Variants in CCDC178 observed in about 807,000 individuals in gnomAD.
CCDC178 encodes the protein coiled-coil domain containing 178, also known as coiled-coil domain-containing protein 178.
Under a neutral mutation model 117.4 loss-of-function variants are expected in CCDC178, and 126 were observed. That is an observed-to-expected ratio of 1.07 (90% CI 0.93 to 1.24). The LOEUF is 1.24. Ranked by LOEUF, CCDC178 falls within the 50% of genes most tolerant of loss-of-function variation. The pLI is 0.00. For missense variants in CCDC178, 1,030 were observed against 986.9 expected (o/e 1.04, Z -0.59); for synonymous variants, 283 against 313.4 (o/e 0.90, Z 1.02).
intron 22 of CCDC178, among the ~76,000 whole-genome samples, chr18:32,949,081 T>C (rs2054417782): frequency 6.6e-6 from 1 of 152,138 alleles, no homozygotes; most frequent in Admixed American, 6.5e-5. Context: ...TCTCTTCTCA[T>C]TTGCATTGTT....
intron 5 of CCDC178, among the ~76,000 whole-genome samples, chr18:33,385,430 C>A (rs1007335278): frequency 6.6e-6 from 1 of 152,252 alleles, no homozygotes; most frequent in East Asian, 1.9e-4. Context: ...GGTCACATGG[C>A]ACTTACTCTA....
At chr18:33,314,185 A>G in intron 11 of CCDC178, among the ~76,000 whole-genome samples, 1 of 128,842 alleles carries the variant, frequency 7.8e-6, no homozygotes, top group Admixed American at 8.7e-5. Context: ...TGGGTGACAG[A>G]GCGAGACTCC....
At chr18:33,392,730 C>T (rs2063580007) in intron 4 of CCDC178, among the ~76,000 whole-genome samples, 1 of 152,032 alleles carries the variant, frequency 6.6e-6, no homozygotes, top group Admixed American at 6.6e-5. Context: ...GGCATGGTGG[C>T]ACGCACCTGT....
At chr18:33,319,245 G>C (rs1451676746) in intron 11 of CCDC178, among the ~76,000 whole-genome samples, 1 of 151,748 alleles carries the variant, frequency 6.6e-6, no homozygotes, top group East Asian at 1.9e-4. Flanking sequence ...CCTGTGTCCA[G>C]GTGTTCTCGG....
chr18:33,308,662 T>C (rs1207271231), intron 11 of CCDC178, among the ~76,000 whole-genome samples: 3 of 152,310 alleles, frequency 2.0e-5, no homozygotes, highest in African/African-American at 7.2e-5. Context: ...ATTGTAGTTC[T>C]GACAATCCCC....
intron 21 of CCDC178, among the ~76,000 whole-genome samples, chr18:33,062,420 G>T (rs1357871216): frequency 6.6e-6 from 1 of 152,154 alleles, no homozygotes; most frequent in Non-Finnish European, 1.5e-5. Context: ...ACCATACTAT[G>T]AATAGAGCTT....
At chr18:33,353,286 TTATGTCTTTG>T (rs935206126) in intron 7 of CCDC178, among the ~76,000 whole-genome samples, 2 of 152,126 alleles carry the variant, frequency 1.3e-5, no homozygotes, top group Non-Finnish European at 2.9e-5. Context: ...TTTAAGCTAC[TTATGTCTTTG>T]TATCTCAGGT....
chr18:33,298,245 A>G (rs1599124390), intron 11 of CCDC178, among the ~76,000 whole-genome samples: 1 of 152,166 alleles, frequency 6.6e-6, no homozygotes, highest in East Asian at 1.9e-4. Context: ...CCAGGAAACT[A>G]ATTCCAACAA....
In CCDC178 at chr18:33,147,321, GAGAGAGAACCTACTCCT is replaced by G. The variant is rs1043592207; in HGVS notation, c.2239-54428_2239-54412del. Among the ~76,000 whole-genome samples, 15 of 145,940 alleles carry G rather than the reference GAGAGAGAACCTACTCCT, an allele frequency of 1.0e-4. No individual in the cohort carries two copies. In the East Asian group the frequency reaches 2.2e-3, roughly 21 times the overall value. On this transcript the variant is annotated intron_variant, in intron 20 of 22. Coordinates refer to ENST00000383096, the MANE Select transcript of CCDC178 (RefSeq NM_001105528.4). Reference sequence around the variant, plus strand: ...GTCCTCGGGTGGCAGAGGGGCAGAAGAGAGAGAACCTACTCCTGCAAGCTTGCCTTTTTAATTTTTTT... The same window carrying G: ...GTCCTCGGGTGGCAGAGGGGCAGAAGGCAAGCTTGCCTTTTTAATTTTTTT...
At chr18:32,964,228 T>C (rs2054765221) in intron 22 of CCDC178, among the ~76,000 whole-genome samples, 1 of 152,068 alleles carries the variant, frequency 6.6e-6, no homozygotes, top group African/African-American at 2.4e-5. Flanking sequence ...TAAAGGAAGA[T>C]ATTTGGTTAA....
chr18:33,348,758 T>C, intron 8 of CCDC178, 132 bp downstream of exon 8: 3 of 631,706 alleles, frequency 4.7e-6, no homozygotes, highest in Non-Finnish European at 8.3e-6. Context: ...TAGAGGACTA[T>C]TTTGTCTATT....
chr18:33,411,943 T>C, intron 3 of CCDC178, 88 bp downstream of exon 3: 1 of 632,056 alleles, frequency 1.6e-6, no homozygotes, highest in Non-Finnish European at 2.7e-6. Context: ...AAGATTACTA[T>C]CTTTGCAGTT....
chr18:33,180,827 G>A (rs2058725708), intron 20 of CCDC178, among the ~76,000 whole-genome samples: 1 of 152,034 alleles, frequency 6.6e-6, no homozygotes, highest in African/African-American at 2.4e-5. Flanking sequence ...AATTGTGAAA[G>A]TATGGGGTAA....
At chr18:33,352,801 C>T (rs1051938464) in intron 7 of CCDC178, among the ~76,000 whole-genome samples, 1 of 151,980 alleles carries the variant, frequency 6.6e-6, no homozygotes, top group Non-Finnish European at 1.5e-5. Flanking sequence ...TGATCTTTTT[C>T]GTTTCATTGA....
intron 3 of CCDC178, among the ~76,000 whole-genome samples, chr18:33,397,922 A>C (rs2063660696): frequency 2.0e-5 from 3 of 152,160 alleles, no homozygotes; most frequent in Admixed American, 2.0e-4. Context: ...TATTACTAGA[A>C]CATAAAAAAA....
chr18:33,403,505 C>T (rs746282906), intron 3 of CCDC178, among the ~76,000 whole-genome samples: 18 of 149,660 alleles, frequency 1.2e-4, no homozygotes, highest in Non-Finnish European at 1.9e-4. Context: ...AAAAAAAAAC[C>T]GGACAAATGG....
intron 20 of CCDC178, among the ~76,000 whole-genome samples, chr18:33,121,427 A>G (rs996537971): frequency 1.3e-5 from 2 of 152,122 alleles, no homozygotes; most frequent in African/African-American, 2.4e-5. Context: ...TTTGTAATAA[A>G]CAAAAGAACA....
chr18:33,162,703 A>G (rs1193791054), intron 20 of CCDC178, among the ~76,000 whole-genome samples: 5 of 152,236 alleles, frequency 3.3e-5, no homozygotes, highest in South Asian at 2.1e-4. Context: ...CTGTTCCTGC[A>G]TTAGTTTGCC....
intron 20 of CCDC178, among the ~76,000 whole-genome samples, chr18:33,199,029 G>C (rs2058964147): frequency 6.6e-6 from 1 of 151,718 alleles, no homozygotes; most frequent in Admixed American, 6.6e-5. Context: ...AATTACCCCA[G>C]TCTAAACCCT....
Sources: allele counts gnomAD v4.1 joint callset (sites outside exome capture counted in the v4.1 genomes callset), GRCh38; gene constraint gnomAD v4.1.1; transcripts MANE v1.5; gene names NCBI Gene and HGNC (gene_info 2026-07-23, HGNC 2026-07-21).